HTR2C: variants seen among roughly 807,000 people sequenced by gnomAD.
HTR2C encodes 5-hydroxytryptamine (serotonin) receptor 2C, G protein-coupled.
Under a neutral mutation model 21.0 loss-of-function variants are expected in HTR2C, and 5 were observed. The observed-to-expected ratio is 0.24, with a 90% CI of 0.12 to 0.50. HTR2C has a LOEUF of 0.50. Ranked by LOEUF, HTR2C falls within the 20% of genes least tolerant of loss-of-function variation. HTR2C has a pLI of 0.98. For missense variants in HTR2C, 271 were observed against 371.2 expected (o/e 0.73, Z 2.22); for synonymous variants, 150 against 145.3 (o/e 1.03, Z -0.23).
At chrX:114,891,466 G>A (rs945549700) in intron 5 of HTR2C, among the ~76,000 whole-genome samples, 47 of 109,720 alleles carry the variant, frequency 4.3e-4, no homozygotes, top group Admixed American at 7.9e-4. Flanking sequence ...TATAAAACCT[G>A]TGTCCCCCAC....
intron 2 of HTR2C, among the ~76,000 whole-genome samples, chrX:114,709,877 A>T (rs1333403829): frequency 9.0e-6 from 1 of 111,465 alleles, no homozygotes; most frequent in Non-Finnish European, 1.9e-5. Flanking sequence ...TTAATTTTGT[A>T]GTCTATGACA....
At chrX:114,700,170 A>C (rs943353621) in intron 2 of HTR2C, among the ~76,000 whole-genome samples, 3 of 111,820 alleles carry the variant, frequency 2.7e-5, no homozygotes, top group Admixed American at 9.5e-5. Flanking sequence ...CCTAACTGTA[A>C]ATAGGGCTCA....
intron 2 of HTR2C, among the ~76,000 whole-genome samples, chrX:114,624,294 C>T (rs1929292532): frequency 9.0e-6 from 1 of 111,007 alleles, no homozygotes; most frequent in African/African-American, 3.3e-5. Flanking sequence ...AGTAAATGAA[C>T]AACTCTTTCC....
intron 4 of HTR2C, among the ~76,000 whole-genome samples, chrX:114,732,636 C>T (rs1406774510): frequency 9.0e-6 from 1 of 111,491 alleles, no homozygotes; most frequent in African/African-American, 3.3e-5. Flanking sequence ...TTTTCATATT[C>T]TTCATCGAGT....
At chrX:114,805,869 A>ATATACCATATATATACCATG (rs2070414801) in intron 4 of HTR2C, among the ~76,000 whole-genome samples, 1 of 93,615 alleles carries the variant, frequency 1.1e-5, no homozygotes. Flanking sequence ...TATATACCAT[A>ATATACCATATATATACCATG]TATATACACC....
intron 2 of HTR2C, among the ~76,000 whole-genome samples, chrX:114,713,251 T>C (rs1179403733): frequency 9.0e-6 from 1 of 111,314 alleles, no homozygotes; most frequent in African/African-American, 3.3e-5. Flanking sequence ...TCATTTCACA[T>C]TGCTTCAGTA....
intron 5 of HTR2C, among the ~76,000 whole-genome samples, chrX:114,885,257 C>T (rs977425193): frequency 2.7e-5 from 3 of 111,212 alleles, no homozygotes; most frequent in Admixed American, 9.6e-5. Context: ...TTTTACTGTT[C>T]CTTTTCTATG....
intron 5 of HTR2C, among the ~76,000 whole-genome samples, chrX:114,902,861 T>C (rs1400346854): frequency 8.9e-6 from 1 of 111,835 alleles, no homozygotes; most frequent in African/African-American, 3.3e-5. Context: ...CCTGCCCACC[T>C]CGGCCTTCCA....
chrX:114,719,442 G>C (rs934280020), intron 2 of HTR2C, among the ~76,000 whole-genome samples: 12 of 111,164 alleles, frequency 1.1e-4, no homozygotes, highest in African/African-American at 3.6e-4. Flanking sequence ...CATCACAGTG[G>C]CCTGGCCATT....
At chrX:114,689,521 T>C (rs923233739) in intron 2 of HTR2C, among the ~76,000 whole-genome samples, 13 of 108,160 alleles carry the variant, frequency 1.2e-4, no homozygotes, top group Non-Finnish European at 2.1e-4. Context: ...CAACATCTAT[T>C]TTTTTTTTAT....
intron 4 of HTR2C, among the ~76,000 whole-genome samples, chrX:114,793,669 G>A (rs1556444307): frequency 1.8e-5 from 2 of 109,986 alleles, no homozygotes; most frequent in Non-Finnish European, 3.8e-5. Context: ...TCTAGATCTG[G>A]CTCTATTATT....
In HTR2C at chrX:114,782,996, A is replaced by G. The variant is rs190253639; in HGVS notation, c.349+51389A>G. ...AAAACTGAGATGTTAAAAAAGGATT[A>G]ATATAAAAAGGGTAAGAAAGGAAAG... On this transcript the variant is annotated intron_variant, in intron 4 of 5. Transcript: ENST00000276198. Among the ~76,000 whole-genome samples, 173 of 111,076 alleles carry G rather than the reference A, an allele frequency of 1.6e-3. 2 individuals are homozygous for G. Among genetic ancestry groups the G allele is most frequent in the Admixed American group, 0.011 (109 of 10,340 alleles).
At chrX:114,861,568 T>G (rs781795328) in intron 5 of HTR2C, among the ~76,000 whole-genome samples, 35 of 111,675 alleles carry the variant, frequency 3.1e-4, no homozygotes, top group African/African-American at 1.1e-3. Context: ...AGAACCTCCA[T>G]ACTGTTTTCC....
chrX:114,874,550 C>A (rs1387298748), intron 5 of HTR2C, among the ~76,000 whole-genome samples: 1 of 110,243 alleles, frequency 9.1e-6, no homozygotes, highest in Non-Finnish European at 1.9e-5. Flanking sequence ...GTTCTGTTAC[C>A]CAGACAGGGG....
intron 4 of HTR2C, 54 bp from the exon 5 acceptor site, chrX:114,847,949 A>C: frequency 1.1e-6 from 1 of 950,501 alleles, no homozygotes; most frequent in Admixed American, 2.5e-5. Flanking sequence ...ATTTGAGACT[A>C]TAGTCAGTAC....
intron 5 of HTR2C, among the ~76,000 whole-genome samples, chrX:114,858,226 C>G (rs1556471715): frequency 9.0e-6 from 1 of 110,604 alleles, no homozygotes; most frequent in Admixed American, 9.8e-5. Context: ...AGCTTGTCAA[C>G]CCCCAAAACA....
At chrX:114,697,812 C>CA (rs1197414489) in intron 2 of HTR2C, among the ~76,000 whole-genome samples, 1 of 111,937 alleles carries the variant, frequency 8.9e-6, no homozygotes, top group Non-Finnish European at 1.9e-5. Context: ...AACAAATTGC[C>CA]AAAAAAACCT....
chrX:114,679,281 T>TTTA (rs1375772551), intron 2 of HTR2C, among the ~76,000 whole-genome samples: 15 of 110,628 alleles, frequency 1.4e-4, no homozygotes, highest in Non-Finnish European at 2.8e-4. Flanking sequence ...TTTAAATTTA[T>TTTA]TTATTATTAT....
intron 3 of HTR2C, among the ~76,000 whole-genome samples, chrX:114,728,794 C>T (rs1173687820): frequency 3.6e-5 from 4 of 111,540 alleles, no homozygotes; most frequent in Admixed American, 1.9e-4. Flanking sequence ...TAATTTTCTT[C>T]GTATATGTTT....
Sources: gnomAD v4.1 joint callset for allele counts (sites outside exome capture counted in the v4.1 genomes callset) on GRCh38, gnomAD v4.1.1 for gene constraint, MANE v1.5 for transcripts, NCBI Gene and HGNC (gene_info 2026-07-23, HGNC 2026-07-21) for gene names.